The following GPKOW variants were observed in gnomAD, a reference collection of about 807,000 sequenced individuals.
The protein encoded by GPKOW is G-patch domain and KOW motifs.
For missense variants in GPKOW, 359 were observed against 404.7 expected (o/e 0.89, Z 0.97); for synonymous variants, 167 against 159.1 (o/e 1.05, Z -0.37).
intron 4 of GPKOW, 22 bp downstream of exon 4, chrX:49,119,682 CT>C: frequency 1.0e-6 from 1 of 997,046 alleles, no homozygotes; most frequent in Non-Finnish European, 1.4e-6. Flanking sequence ...TGTCTGTCCC[CT>C]CGACCCTATC....
intron 6 of GPKOW, 80 bp from the exon 7 acceptor site, chrX:49,116,403 C>T: frequency 3.1e-6 from 2 of 635,666 alleles, no homozygotes; most frequent in Non-Finnish European, 2.6e-6. Flanking sequence ...TGTCTCACTG[C>T]CCTTTCCTTC....
At chrX:49,118,665 G>A (rs1271472321) in intron 4 of GPKOW, among the ~76,000 whole-genome samples, 2 of 99,166 alleles carry the variant, frequency 2.0e-5, no homozygotes, top group Non-Finnish European at 4.0e-5. Context: ...CTTGAACTCA[G>A]GAGGTAGAGG....
At position 49,113,771 on chromosome X, in the gene GPKOW, A is replaced by C. The variant is rs2065180468; in HGVS notation, c.1297-16T>G. ...AATGTCCCACCTGGAACAGAGGTGA[A>C]GTGGAATCAGCAAGGCAAGCCTAGA... On this transcript the variant is annotated splice_polypyrimidine_tract_variant and intron_variant, in intron 10 of 10. Coordinates refer to ENST00000156109, the MANE Select transcript of GPKOW (RefSeq NM_015698.6). 1 of 1,206,735 alleles carries C rather than the reference A, an allele frequency of 8.3e-7. No individual in the cohort carries two copies. Among genetic ancestry groups the C allele is most frequent in the South Asian group, 1.8e-5 (1 of 56,324 alleles).
intron 9 of GPKOW, among the ~76,000 whole-genome samples, chrX:49,114,922 CAAAAAAAAAA>C (rs1169588195): frequency 4.4e-5 from 2 of 45,587 alleles, no homozygotes; most frequent in African/African-American, 1.3e-4. Context: ...GACTCTGTTT[CAAAAAAAAAA>C]AAAAAAAAAA....
Position 49,117,172 on chromosome X carries a change from T to C in GPKOW, c.781-10A>G. 1 of 1,209,456 alleles carries C rather than the reference T, an allele frequency of 8.3e-7. No homozygotes were observed. Among genetic ancestry groups the C allele is most frequent in the Non-Finnish European group, 1.1e-6 (1 of 893,968 alleles). On this transcript the variant is annotated splice_polypyrimidine_tract_variant and intron_variant, in intron 5 of 10. Transcript: ENST00000156109. ...GATCAAGGCCTTCCACCTAAAGTGT[T>C]GAGGGGAAGAAGTCAGGTAGGGGTT...
chrX:49,123,318 A>G (rs2065220034), intron 1 of GPKOW, among the ~76,000 whole-genome samples: 1 of 111,315 alleles, frequency 9.0e-6, no homozygotes, highest in Admixed American at 9.6e-5. Flanking sequence ...TTCAAGTCCT[A>G]AAGACACTTC....
intron 9 of GPKOW, 21 bp downstream of exon 9, chrX:49,115,705 G>A: frequency 8.5e-7 from 1 of 1,175,085 alleles, no homozygotes; most frequent in South Asian, 1.8e-5. Flanking sequence ...TCAACCTCCA[G>A]CTGCCATCGC....
intron 9 of GPKOW, among the ~76,000 whole-genome samples, chrX:49,115,439 G>A (rs1295826846): frequency 9.8e-6 from 1 of 102,401 alleles, no homozygotes; most frequent in African/African-American, 3.5e-5. Flanking sequence ...CCTGGGAAGT[G>A]GAGGTTGCAG....
At chrX:49,117,956 T>C in intron 4 of GPKOW, 146 bp from the exon 5 acceptor site, 1 of 416,981 alleles carries the variant, frequency 2.4e-6, no homozygotes, top group Non-Finnish European at 4.0e-6. Flanking sequence ...GTTTTGCTCT[T>C]GTCATCCAGG....
At chrX:49,120,780 C>T (rs782237596) in intron 3 of GPKOW, among the ~76,000 whole-genome samples, 3 of 110,211 alleles carry the variant, frequency 2.7e-5, no homozygotes, top group South Asian at 7.8e-4. Context: ...TCTCCTGCCT[C>T]AGCCTCCCGA....
At chrX:49,123,037 G>A (rs1454615491) in intron 1 of GPKOW, among the ~76,000 whole-genome samples, 9 of 110,973 alleles carry the variant, frequency 8.1e-5, no homozygotes, top group African/African-American at 2.9e-4. Flanking sequence ...TTCTACAATG[G>A]CCCACAAATC....
Position 49,122,720 on chromosome X carries a change from T to C in GPKOW, c.233A>G (p.His78Arg), listed in dbSNP as rs947840699. The change falls in exon 2 of 11, where the codon CAT becomes CGT. Residue 78 changes from histidine (H) to arginine (R), a missense_variant. His to Arg is a conservative substitution (Grantham distance 29, BLOSUM62 0). Transcript: ENST00000156109. ...ELVIPLIQNG[H>R]RRQPPARPPG... is the part of the protein sequence containing the mutation. ...GGGCCGGGCTGGTGGCTGCCTGCGA[T>C]GGCCATTCTGGATCAAAGGGATGAC... The C allele has an allele frequency of 1.7e-6, 2 of 1,209,999 alleles. No homozygotes were observed. The highest frequency in any genetic ancestry group is 2.2e-5 in the Admixed American group (1 of 46,022).
In GPKOW at chrX:49,117,656, G is replaced by T; in HGVS notation, c.721C>A (p.Leu241Met). 8.3e-7 allele frequency: 1 copy of T among 1,210,339 alleles called. No homozygotes were observed. Among genetic ancestry groups the T allele is most frequent in the Middle Eastern group, 2.3e-4 (1 of 4,354 alleles). ...EKDKEDQPQG[L>M]VPGGAVVVLS... ...ACCACCACAGCTCCTCCAGGCACCA[G>T]CCCTTGAGGCTGATCTTCCTTATCT... Residue 241 changes from leucine to methionine, a missense_variant, in exon 5 of 11, where the codon CTG becomes ATG. Coordinates refer to ENST00000156109, the MANE Select transcript of GPKOW (RefSeq NM_015698.6).
intron 10 of GPKOW, 21 bp downstream of exon 10, chrX:49,113,832 A>G: frequency 8.3e-7 from 1 of 1,202,295 alleles, no homozygotes; most frequent in Non-Finnish European, 1.1e-6. Flanking sequence ...ACAAACCTCT[A>G]CTGCCAGGTC....
chrX:49,117,556 T>C (rs782535206), intron 5 of GPKOW, 41 bp downstream of exon 5: 1 of 997,130 alleles, frequency 1.0e-6, no homozygotes, highest in Non-Finnish European at 1.4e-6. Flanking sequence ...CAACCTTCCC[T>C]GCTGCCTGTT....
At chrX:49,121,459 T>C (rs1557091019) in intron 3 of GPKOW, among the ~76,000 whole-genome samples, 2 of 110,798 alleles carry the variant, frequency 1.8e-5, no homozygotes, top group African/African-American at 6.6e-5. Flanking sequence ...CAAAAAAATG[T>C]TGAAGGAAAC....
At chrX:49,121,358 C>T (rs1042561628) in intron 3 of GPKOW, among the ~76,000 whole-genome samples, 5 of 108,871 alleles carry the variant, frequency 4.6e-5, no homozygotes, top group East Asian at 2.9e-4. Context: ...ATCCCAGGAC[C>T]GGGAGGTTGC....
chrX:49,118,751 A>C (rs1393328270), intron 4 of GPKOW, among the ~76,000 whole-genome samples: 1 of 99,479 alleles, frequency 1.0e-5, no homozygotes, highest in Non-Finnish European at 2.1e-5. Context: ...AAAAAAAAAA[A>C]AAAAAAAAAA....
At position 49,116,228 on chromosome X, in the gene GPKOW, G is replaced by A; in HGVS notation, c.1009C>T (p.Pro337Ser). 8.4e-7 allele frequency: 1 copy of A among 1,191,762 alleles called. No homozygotes were observed. Among genetic ancestry groups the A allele is most frequent in the Non-Finnish European group, 1.1e-6 (1 of 877,242 alleles). The change falls in exon 7 of 11, where the codon CCA becomes TCA. Residue 337 changes from proline (P) to serine (S), a missense_variant. Transcript: ENST00000156109. The part of the protein sequence containing the change: ...DNSERKRKHL[P>S]DRQDGPAAKS... ...GCATGCTCAGAGTCCCACCGGTCTG[G>A]AAGGTGTTTCCGCTTCCTCTCTGAG...
Sources: allele counts gnomAD v4.1 joint callset (sites outside exome capture counted in the v4.1 genomes callset), GRCh38; gene constraint gnomAD v4.1.1; transcripts MANE v1.5; gene names NCBI Gene and HGNC (gene_info 2026-07-23, HGNC 2026-07-21).